GRIA1: variants seen among roughly 807,000 people sequenced by gnomAD.
The protein encoded by GRIA1 is glutamate ionotropic receptor AMPA type subunit 1.
Under a neutral mutation model 99.2 loss-of-function variants are expected in GRIA1, and 31 were observed. That is an observed-to-expected ratio of 0.31 (90% CI 0.23 to 0.42). GRIA1 has a LOEUF of 0.42. Ranked by LOEUF, GRIA1 falls within the 10% of genes least tolerant of loss-of-function variation. The pLI is 1.00. For missense variants in GRIA1, 782 were observed against 1,157.5 expected (o/e 0.68, Z 4.71); for synonymous variants, 438 against 432.4 (o/e 1.01, Z -0.16).
chr5:153,773,046 GA>G (rs1338774548), intron 13 of GRIA1, among the ~76,000 whole-genome samples: 1 of 152,074 alleles, frequency 6.6e-6, no homozygotes, highest in Non-Finnish European at 1.5e-5. Flanking sequence ...GGAGTGACAT[GA>G]ACCTAAAACT....
chr5:153,514,931 G>C (rs1756468343), intron 2 of GRIA1, among the ~76,000 whole-genome samples: 1 of 151,894 alleles, frequency 6.6e-6, no homozygotes, highest in Admixed American at 6.6e-5. Context: ...TCTTAGAATG[G>C]TATTATCAAA....
At chr5:153,695,315 T>C (rs1758017161) in intron 8 of GRIA1, among the ~76,000 whole-genome samples, 1 of 152,180 alleles carries the variant, frequency 6.6e-6, no homozygotes, top group African/African-American at 2.4e-5. Flanking sequence ...CATAATATAC[T>C]ACCAGAGTGC....
intron 2 of GRIA1, among the ~76,000 whole-genome samples, chr5:153,537,866 A>G (rs1371258878): frequency 2.6e-5 from 4 of 152,220 alleles, no homozygotes; most frequent in Non-Finnish European, 5.9e-5. Flanking sequence ...TAACCACTGG[A>G]AAACTAAGAC....
At chr5:153,704,790 C>G (rs1267002438) in intron 10 of GRIA1, among the ~76,000 whole-genome samples, 1 of 152,166 alleles carries the variant, frequency 6.6e-6, no homozygotes, top group Admixed American at 6.5e-5. Flanking sequence ...CAGAATGAAT[C>G]CCTCCCTGGT....
intron 4 of GRIA1, among the ~76,000 whole-genome samples, chr5:153,654,075 A>G (rs1450321239): frequency 1.3e-5 from 2 of 152,134 alleles, no homozygotes; most frequent in Non-Finnish European, 2.9e-5. Context: ...CTGTTCACCT[A>G]TTTATTATGG....
chr5:153,810,602 A>C, intron 15 of GRIA1, among the ~76,000 whole-genome samples: 1 of 152,212 alleles, frequency 6.6e-6, no homozygotes, highest in Non-Finnish European at 1.5e-5. Context: ...CACTAAGGAG[A>C]TATGTACAGT....
intron 13 of GRIA1, among the ~76,000 whole-genome samples, chr5:153,779,211 C>T (rs1436291406): frequency 1.3e-5 from 2 of 152,244 alleles, no homozygotes; most frequent in East Asian, 3.9e-4. Context: ...TATCATTTCC[C>T]TTTCATAGTT....
intron 10 of GRIA1, 81 bp from the exon 11 acceptor site, chr5:153,705,616 T>A: frequency 2.8e-6 from 4 of 1,415,596 alleles, no homozygotes; most frequent in Non-Finnish European, 3.7e-6. Context: ...ATAGTCACAA[T>A]GAGAAGAAAA....
intron 5 of GRIA1, among the ~76,000 whole-genome samples, chr5:153,664,658 C>G (rs1755617292): frequency 6.6e-6 from 1 of 152,062 alleles, no homozygotes; most frequent in Non-Finnish European, 1.5e-5. Context: ...AAGCAAGGAC[C>G]ACACCTGTCT....
At chr5:153,754,958 G>T (rs1275049292) in intron 11 of GRIA1, among the ~76,000 whole-genome samples, 2 of 152,208 alleles carry the variant, frequency 1.3e-5, no homozygotes, top group African/African-American at 4.8e-5. Flanking sequence ...GAGTCTTACG[G>T]CTGAATACTA....
chr5:153,609,310 A>AT (rs916692675), intron 2 of GRIA1, among the ~76,000 whole-genome samples: 1 of 152,078 alleles, frequency 6.6e-6, no homozygotes, highest in Non-Finnish European at 1.5e-5. Context: ...ATTTGTAAAT[A>AT]TTTTGCCCAG....
intron 13 of GRIA1, among the ~76,000 whole-genome samples, chr5:153,791,544 G>A (rs573258980): frequency 2.6e-5 from 4 of 152,240 alleles, no homozygotes; most frequent in South Asian, 4.2e-4. Flanking sequence ...TGCACTCAGC[G>A]TGAAGCACAA....
intron 2 of GRIA1, among the ~76,000 whole-genome samples, chr5:153,628,042 G>C (rs988718972): frequency 2.0e-5 from 3 of 152,208 alleles, no homozygotes; most frequent in African/African-American, 7.2e-5. Flanking sequence ...CGTCTAAGCA[G>C]CTTGCTTTAG....
intron 2 of GRIA1, among the ~76,000 whole-genome samples, chr5:153,509,398 C>G (rs1755840144): frequency 6.6e-6 from 1 of 152,182 alleles, no homozygotes; most frequent in Admixed American, 6.5e-5. Context: ...GAAGCTGCTT[C>G]TCCCTCCCTC....
intron 10 of GRIA1, among the ~76,000 whole-genome samples, chr5:153,704,443 T>C (rs943542116): frequency 1.3e-5 from 2 of 152,206 alleles, no homozygotes; most frequent in African/African-American, 4.8e-5. Context: ...GCTTCTGCCA[T>C]TGGAGAGAGG....
intron 11 of GRIA1, among the ~76,000 whole-genome samples, chr5:153,738,869 T>C (rs902298965): frequency 4.0e-5 from 6 of 151,846 alleles, no homozygotes; most frequent in African/African-American, 1.5e-4. Flanking sequence ...ATTACAGGCA[T>C]GCACCACCAC....
In GRIA1 at chr5:153,582,200, A is replaced by T. The variant is rs189540667; in HGVS notation, c.221-64728A>T. ...TCTTTTTACAGAGGGAGAAGTTAGG[A>T]CCAGAGAAGAGTAGACATCATTGTG... On this transcript the variant is annotated intron_variant, in intron 2 of 15. Transcript: ENST00000285900. Among the ~76,000 whole-genome samples, 469 of 152,326 alleles carry T rather than the reference A, an allele frequency of 3.1e-3. 7 individuals carry two copies. The highest frequency in any genetic ancestry group is 0.012 in the South Asian group (57 of 4,822).
intron 10 of GRIA1, among the ~76,000 whole-genome samples, chr5:153,701,684 T>G (rs1305866569): frequency 6.9e-6 from 1 of 144,620 alleles, no homozygotes; most frequent in Non-Finnish European, 1.5e-5. Context: ...AGTCGGATGC[T>G]CAGCCTTTCT....
At chr5:153,691,671 T>C (rs1581478282) in intron 8 of GRIA1, among the ~76,000 whole-genome samples, 3 of 152,206 alleles carry the variant, frequency 2.0e-5, no homozygotes, top group Admixed American at 6.5e-5. Context: ...ATTTTGACCA[T>C]ACTGAATCAT....
Sources: gnomAD v4.1 joint callset for allele counts (sites outside exome capture counted in the v4.1 genomes callset) on GRCh38, gnomAD v4.1.1 for gene constraint, MANE v1.5 for transcripts, NCBI Gene and HGNC (gene_info 2026-07-23, HGNC 2026-07-21) for gene names.